Variants in KLF15 observed in about 807,000 individuals in gnomAD.
The protein encoded by KLF15 is Krueppel-like factor 15.
In KLF15, 4 loss-of-function variants were observed where a neutral mutation model predicts 24.6. The ratio of observed to expected loss-of-function variants is 0.16; its 90% CI spans 0.08 to 0.37. The LOEUF (loss-of-function observed/expected upper bound fraction) is 0.37, where lower values mean the gene tolerates loss of function less well. Ranked by LOEUF, KLF15 falls within the 10% of genes least tolerant of loss-of-function variation. The probability of loss-of-function intolerance (pLI) is 1.00; values close to 1 mark genes in which losing one functional copy is unlikely to be tolerated. For synonymous variants in KLF15, 246 were observed against 236.3 expected (o/e 1.04, Z -0.37); for missense variants, 496 against 560.6 (o/e 0.88, Z 1.16).
intron 2 of KLF15, among the ~76,000 whole-genome samples, chr3:126,350,226 A>T (rs1309821372): frequency 6.6e-6 from 1 of 152,198 alleles, no homozygotes; most frequent in African/African-American, 2.4e-5. Context: ...TATGCAGTGT[A>T]CTTGCTGCTG....
At chr3:126,306,869 C>A in the KLF15 span, among the ~76,000 whole-genome samples, 1 of 152,182 alleles carries the variant, frequency 6.6e-6, no homozygotes, top group African/African-American at 2.4e-5. Context: ...GCTGCAGCCT[C>A]CATCTCTGGC....
At chr3:126,319,261 G>T in the KLF15 span, among the ~76,000 whole-genome samples, 1 of 152,352 alleles carries the variant, frequency 6.6e-6, no homozygotes, top group African/African-American at 2.4e-5. Flanking sequence ...TCTGCATGCA[G>T]GTTTTTGTGT....
the KLF15 span, among the ~76,000 whole-genome samples, chr3:126,309,687 G>C: frequency 3.3e-5 from 5 of 152,334 alleles, no homozygotes; most frequent in South Asian, 1.0e-3. Flanking sequence ...AAGGAGATGG[G>C]TTCCTTAGGG....
At chr3:126,348,708 G>A (rs752094585) in intron 2 of KLF15, among the ~76,000 whole-genome samples, 4 of 152,350 alleles carry the variant, frequency 2.6e-5, no homozygotes, top group Admixed American at 1.3e-4. Flanking sequence ...CAGAGAGGGC[G>A]GATGCCCACG....
the KLF15 span, among the ~76,000 whole-genome samples, chr3:126,295,988 G>A: frequency 4.6e-5 from 7 of 152,256 alleles, no homozygotes; most frequent in African/African-American, 1.7e-4. Context: ...ATTCATAGTT[G>A]ATGCTGATCT....
the KLF15 span, among the ~76,000 whole-genome samples, chr3:126,309,795 CTT>C: frequency 1.3e-5 from 2 of 152,178 alleles, no homozygotes; most frequent in African/African-American, 4.8e-5. Context: ...CCTGGTGACT[CTT>C]ATAGCACCAG....
chr3:126,301,945 T>C, the KLF15 span, among the ~76,000 whole-genome samples: 1 of 123,690 alleles, frequency 8.1e-6, no homozygotes, highest in African/African-American at 3.1e-5. Flanking sequence ...TTGCTTTTTT[T>C]TTTCCTAGTT....
At chr3:126,342,491 G>C (rs1481063522), downstream of KLF15, 1 of 152,268 alleles carries the variant, frequency 6.6e-6, no homozygotes, top group Non-Finnish European at 1.5e-5. Context: ...TGCTGGACCG[G>C]GGCTGGACCC....
the KLF15 span, among the ~76,000 whole-genome samples, chr3:126,327,253 G>T: frequency 6.6e-6 from 1 of 152,148 alleles, no homozygotes; most frequent in Non-Finnish European, 1.5e-5. Context: ...AGTATAGCAG[G>T]CAGTGAGGTC....
chr3:126,304,818 G>A, the KLF15 span, among the ~76,000 whole-genome samples: 1 of 152,222 alleles, frequency 6.6e-6, no homozygotes, highest in South Asian at 2.1e-4. Context: ...GTATGAGCTA[G>A]GAAAGCTATT....
the KLF15 span, among the ~76,000 whole-genome samples, chr3:126,295,023 C>T: frequency 3.3e-5 from 5 of 152,232 alleles, no homozygotes; most frequent in East Asian, 9.7e-4. Context: ...TACACACATA[C>T]ACATGTGCAC....
Position 126,344,090 on chromosome 3 carries a change from A to AT in KLF15, c.1083-196dup, listed in dbSNP as rs1222081563. ...AGGCTATACCAGTTCTCAAAATACC[A>AT]TTTTTTTTTCTTTTTTTGAGACAGG... On this transcript the variant is annotated intron_variant, in intron 2 of 2. Transcript: ENST00000296233. Among the ~76,000 whole-genome samples the AT allele has an allele frequency of 2.4e-3, 364 of 150,306 alleles. 2 individuals carry two copies. Among genetic ancestry groups the AT allele is most frequent in the African/African-American group, 7.0e-3 (287 of 40,932 alleles).
In KLF15 at chr3:126,356,009, G is replaced by A. The variant is rs2082628184; in HGVS notation, c.-26+1228C>T. 6.6e-6 allele frequency among the ~76,000 whole-genome samples: 1 copy of A among 152,200 alleles called. No homozygotes were observed. Among genetic ancestry groups the A allele is most frequent in the Middle Eastern group, 3.2e-3 (1 of 316 alleles). On this transcript the variant is annotated intron_variant, in intron 1 of 2. Transcript: ENST00000296233. This position sits in a 1 kb window ranked among gnomAD's most constrained non-coding sequence, Gnocchi z 4.4. ...CACGCTGTTCCGGGCACAGTCCCCG[G>A]CTGGCCGCCGGACTCCGCCCCCTCC...
chr3:126,301,979 T>C, the KLF15 span, among the ~76,000 whole-genome samples: 2 of 152,156 alleles, frequency 1.3e-5, no homozygotes, highest in Non-Finnish European at 2.9e-5. Flanking sequence ...ACTAAGGACA[T>C]TGATTTGAGA....
downstream of KLF15, among the ~76,000 whole-genome samples, chr3:126,339,046 G>A (rs146248826): frequency 6.6e-6 from 1 of 152,218 alleles, no homozygotes; most frequent in African/African-American, 2.4e-5. Flanking sequence ...TTGGAGAGCA[G>A]GGTGGAGCAG....
At chr3:126,296,397 C>T in the KLF15 span, among the ~76,000 whole-genome samples, 11 of 152,178 alleles carry the variant, frequency 7.2e-5, no homozygotes, top group Non-Finnish European at 1.0e-4. Flanking sequence ...TTAATACAGA[C>T]GGGGTTTCAC....
At chr3:126,311,365 G>C in the KLF15 span, among the ~76,000 whole-genome samples, 1 of 152,246 alleles carries the variant, frequency 6.6e-6, no homozygotes, top group African/African-American at 2.4e-5. Context: ...AGCTTCTGCT[G>C]TCTGGAAGCG....
the KLF15 span, among the ~76,000 whole-genome samples, chr3:126,300,229 C>T: frequency 6.6e-6 from 1 of 152,150 alleles, no homozygotes; most frequent in Non-Finnish European, 1.5e-5. Context: ...CTGTGGTGGG[C>T]AGGAACGAGG....
the KLF15 span, among the ~76,000 whole-genome samples, chr3:126,321,662 C>T: frequency 6.6e-6 from 1 of 152,212 alleles, no homozygotes; most frequent in African/African-American, 2.4e-5. Flanking sequence ...GTGCAGTGTC[C>T]ACTAGTGGAC....
Sources: allele counts gnomAD v4.1 joint callset (sites outside exome capture counted in the v4.1 genomes callset), GRCh38; gene constraint gnomAD v4.1.1; non-coding constraint Gnocchi (gnomAD v3.1); transcripts MANE v1.5; gene names NCBI Gene and HGNC (gene_info 2026-07-23, HGNC 2026-07-21).